The following CHSY3 variants were observed in gnomAD, a reference collection of about 807,000 sequenced individuals.
CHSY3 encodes the protein chondroitin sulfate synthase 3, also known as N-acetylgalactosaminyl-proteoglycan 3-beta-glucuronosyltransferase 3.
In CHSY3, 35 loss-of-function variants were observed where a neutral mutation model predicts 67.2. The observed-to-expected ratio is 0.52, with a 90% CI of 0.40 to 0.69. CHSY3 has a LOEUF of 0.69. Ranked by LOEUF, CHSY3 falls within the 30% of genes least tolerant of loss-of-function variation. The pLI is 0.00. For synonymous variants in CHSY3, 474 were observed against 434.7 expected (o/e 1.09, Z -1.12); for missense variants, 1,069 against 1,138.5 (o/e 0.94, Z 0.88).
chr5:129,964,983 C>T (rs1172656575), intron 2 of CHSY3, among the ~76,000 whole-genome samples: 1 of 151,888 alleles, frequency 6.6e-6, no homozygotes, highest in African/African-American at 2.4e-5. Flanking sequence ...TAGGTTGAAT[C>T]ATGTGTAACT....
chr5:130,083,391 C>G (rs567139173), intron 2 of CHSY3, among the ~76,000 whole-genome samples: 6 of 152,066 alleles, frequency 3.9e-5, no homozygotes, highest in Non-Finnish European at 7.4e-5. Flanking sequence ...ATGTGTCTCT[C>G]TGTGTTAGCA....
At chr5:130,027,983 A>G (rs1398703494) in intron 2 of CHSY3, among the ~76,000 whole-genome samples, 1 of 152,054 alleles carries the variant, frequency 6.6e-6, no homozygotes, top group Admixed American at 6.6e-5. Context: ...TTGGGTATAT[A>G]CCCAGTAATG....
intron 2 of CHSY3, among the ~76,000 whole-genome samples, chr5:129,952,904 T>A (rs1762063720): frequency 2.0e-5 from 3 of 152,192 alleles, no homozygotes. Context: ...ATTTTTAAAA[T>A]TGTATGGCAA....
intron 2 of CHSY3, among the ~76,000 whole-genome samples, chr5:130,038,847 G>A (rs915605806): frequency 2.0e-5 from 3 of 151,968 alleles, no homozygotes; most frequent in Non-Finnish European, 4.4e-5. Flanking sequence ...AAGCCATCAG[G>A]AAGGAAGAAT....
At chr5:130,059,299 C>A (rs993544937) in intron 2 of CHSY3, among the ~76,000 whole-genome samples, 2 of 152,050 alleles carry the variant, frequency 1.3e-5, no homozygotes, top group African/African-American at 2.4e-5. Context: ...GAATTTCAAG[C>A]CTGCCAGCCT....
chr5:130,178,253 A>ATATATATATATAT (rs1205782386), intron 2 of CHSY3, among the ~76,000 whole-genome samples: 5 of 45,908 alleles, frequency 1.1e-4, no homozygotes, highest in African/African-American at 4.1e-4. Context: ...ATATATATAT[A>ATATATATATATAT]TTTTTTTTTT....
chr5:130,151,407 A>C (rs1343968096), intron 2 of CHSY3, among the ~76,000 whole-genome samples: 1 of 152,220 alleles, frequency 6.6e-6, no homozygotes, highest in African/African-American at 2.4e-5. Context: ...AACTTCAGAA[A>C]GCAAGTACTG....
chr5:130,005,439 A>T (rs2149642455), intron 2 of CHSY3, among the ~76,000 whole-genome samples: 1 of 152,216 alleles, frequency 6.6e-6, no homozygotes, highest in South Asian at 2.1e-4. Context: ...ACAAAAAAAA[A>T]AACACGTTAT....
chr5:129,954,462 G>GTT (rs768087838), intron 2 of CHSY3, among the ~76,000 whole-genome samples: 44 of 143,886 alleles, frequency 3.1e-4, no homozygotes, highest in Non-Finnish European at 4.7e-4. Flanking sequence ...TGGCTATACG[G>GTT]TTTTTTTTTT....
intron 2 of CHSY3, among the ~76,000 whole-genome samples, chr5:129,958,678 A>G (rs1464821839): frequency 6.6e-6 from 1 of 152,092 alleles, no homozygotes; most frequent in African/African-American, 2.4e-5. Flanking sequence ...CTACAGGCAC[A>G]TGCCACCATG....
chr5:130,139,115 A>G (rs1389798062), intron 2 of CHSY3, among the ~76,000 whole-genome samples: 1 of 152,198 alleles, frequency 6.6e-6, no homozygotes, highest in Non-Finnish European at 1.5e-5. Flanking sequence ...AGAAAAGTTA[A>G]TTTGTTGCCC....
At chr5:130,094,395 T>C (rs1394431330) in intron 2 of CHSY3, among the ~76,000 whole-genome samples, 1 of 152,234 alleles carries the variant, frequency 6.6e-6, no homozygotes, top group African/African-American at 2.4e-5. Context: ...CTTTAACCTG[T>C]TGGACTTTTT....
At chr5:130,058,219 G>A (rs1297301337) in intron 2 of CHSY3, among the ~76,000 whole-genome samples, 2 of 151,996 alleles carry the variant, frequency 1.3e-5, no homozygotes, top group Non-Finnish European at 2.9e-5. Context: ...TCAAATCTAG[G>A]TGCAAGGTAC....
At chr5:130,181,418 G>T (rs1193435308) in intron 2 of CHSY3, among the ~76,000 whole-genome samples, 1 of 151,892 alleles carries the variant, frequency 6.6e-6, no homozygotes, top group East Asian at 1.9e-4. Flanking sequence ...ATAGACACTT[G>T]GGTGAATAAC....
chr5:130,122,651 T>G (rs1229840322), intron 2 of CHSY3, among the ~76,000 whole-genome samples: 1 of 152,206 alleles, frequency 6.6e-6, no homozygotes, highest in Non-Finnish European at 1.5e-5. Flanking sequence ...ATAAGGGTAG[T>G]GTTGCTTATG....
chr5:129,951,962 G>A (rs1398863165), intron 2 of CHSY3, among the ~76,000 whole-genome samples: 1 of 152,184 alleles, frequency 6.6e-6, no homozygotes, highest in Non-Finnish European at 1.5e-5. Flanking sequence ...TAGAAGGAAT[G>A]ACACAATCAG....
chr5:130,075,134 G>A (rs112078543), intron 2 of CHSY3, among the ~76,000 whole-genome samples: 1,728 of 152,084 alleles, frequency 0.011, 26 homozygotes, highest in African/African-American at 0.038. Context: ...GGGCCATTGC[G>A]GTCCACCTAC....
chr5:129,949,761 A>G (rs1358946783), intron 2 of CHSY3, among the ~76,000 whole-genome samples: 1 of 152,180 alleles, frequency 6.6e-6, no homozygotes, highest in African/African-American at 2.4e-5. Context: ...AACATCATTC[A>G]CCATGATCAA....
intron 2 of CHSY3, among the ~76,000 whole-genome samples, chr5:129,956,195 G>A (rs1762168254): frequency 6.6e-6 from 1 of 151,950 alleles, no homozygotes; most frequent in African/African-American, 2.4e-5. Flanking sequence ...AAACCTTGCG[G>A]CGTGTTATTT....
Sources: gnomAD v4.1 joint callset for allele counts (sites outside exome capture counted in the v4.1 genomes callset) on GRCh38, gnomAD v4.1.1 for gene constraint, MANE v1.5 for transcripts, NCBI Gene and HGNC (gene_info 2026-07-23, HGNC 2026-07-21) for gene names.